Variants in LOC400499 observed in about 807,000 individuals in gnomAD.
chr16:11,475,658 G>A, the LOC400499 span: 4 of 399,010 alleles, frequency 1.0e-5, no homozygotes, highest in South Asian at 1.3e-4. Flanking sequence ...CCTCAGAAGG[G>A]CCAGGGACAT....
the LOC400499 span, chr16:11,398,394 C>A: frequency 4.9e-6 from 6 of 1,232,190 alleles, no homozygotes; most frequent in Admixed American, 4.2e-5. Context: ...CCGCAGCCAG[C>A]GTGCATAGTC....
the LOC400499 span, among the ~76,000 whole-genome samples, chr16:11,466,532 G>T: frequency 6.6e-6 from 1 of 152,038 alleles, no homozygotes; most frequent in Admixed American, 6.6e-5. Context: ...GGGATTACAG[G>T]AGCCTGCCAC....
At chr16:11,471,115 C>A in the LOC400499 span, among the ~76,000 whole-genome samples, 1 of 152,146 alleles carries the variant, frequency 6.6e-6, no homozygotes, top group African/African-American at 2.4e-5. Flanking sequence ...AGAAGGGACA[C>A]GATCCAGCTG....
At chr16:11,401,453 G>T in the LOC400499 span, 1 of 399,388 alleles carries the variant, frequency 2.5e-6, no homozygotes, top group Non-Finnish European at 4.4e-6. Context: ...CAGACAGACT[G>T]CACCTCTTTC....
chr16:11,519,376 G>T, the LOC400499 span, among the ~76,000 whole-genome samples: 1 of 152,016 alleles, frequency 6.6e-6, no homozygotes, highest in Non-Finnish European at 1.5e-5. Flanking sequence ...GTGGGGAGGG[G>T]GTTGCAAAAG....
the LOC400499 span, among the ~76,000 whole-genome samples, chr16:11,520,451 G>A: frequency 9.2e-5 from 14 of 152,138 alleles, no homozygotes; most frequent in Admixed American, 2.0e-4. Flanking sequence ...GAGGTCAGGA[G>A]TTCAAGACCA....
chr16:11,523,491 A>G, the LOC400499 span: 1 of 398,678 alleles, frequency 2.5e-6, no homozygotes, highest in East Asian at 3.6e-5. Flanking sequence ...CGCAAATCAG[A>G]TGGAACCAGG....
chr16:11,434,462 C>T, the LOC400499 span, among the ~76,000 whole-genome samples: 3 of 152,096 alleles, frequency 2.0e-5, no homozygotes, highest in Non-Finnish European at 4.4e-5. Context: ...GTCTCGCACA[C>T]TTAACATGTG....
At chr16:11,450,826 A>G in the LOC400499 span, 6 of 1,524,222 alleles carry the variant, frequency 3.9e-6, no homozygotes, top group African/African-American at 6.9e-5. Context: ...GGCTCCTGCA[A>G]GCAACAAAGA....
chr16:11,424,871 G>A, the LOC400499 span, among the ~76,000 whole-genome samples: 1 of 152,148 alleles, frequency 6.6e-6, no homozygotes, highest in Admixed American at 6.5e-5. Flanking sequence ...GAGGCCTGGA[G>A]GGCTGATGGC....
chr16:11,403,047 C>T, the LOC400499 span, among the ~76,000 whole-genome samples: 7,048 of 152,108 alleles, frequency 0.046, 538 homozygotes, highest in African/African-American at 0.16. Context: ...TTTTCTTCCT[C>T]TGTCCCCCAG....
At chr16:11,504,674 G>A in the LOC400499 span, among the ~76,000 whole-genome samples, 2 of 152,086 alleles carry the variant, frequency 1.3e-5, no homozygotes, top group Non-Finnish European at 2.9e-5. Context: ...TGTAATGCCA[G>A]CACTTTGGGA....
the LOC400499 span, chr16:11,424,208 C>T: frequency 2.3e-5 from 9 of 399,190 alleles, no homozygotes; most frequent in Admixed American, 4.4e-5. Flanking sequence ...GCTGGAGGCC[C>T]GAGGACTCGG....
the LOC400499 span, chr16:11,387,414 T>C: frequency 1.3e-6 from 1 of 787,620 alleles, no homozygotes; most frequent in Non-Finnish European, 1.7e-6. Context: ...GAGGGTGCCT[T>C]TCAGGGAGGG....
chr16:11,415,794 G>A, the LOC400499 span, among the ~76,000 whole-genome samples: 43 of 152,156 alleles, frequency 2.8e-4, no homozygotes, highest in African/African-American at 8.9e-4. Flanking sequence ...GAGCGGCGTG[G>A]AGGTGGTCAT....
the LOC400499 span, chr16:11,501,000 G>T: frequency 2.5e-6 from 1 of 399,012 alleles, no homozygotes; most frequent in Non-Finnish European, 4.4e-6. Flanking sequence ...CACACGTGCT[G>T]AGCGCCTGCA....
At chr16:11,380,619 C>G in the LOC400499 span, among the ~76,000 whole-genome samples, 422 of 152,236 alleles carry the variant, frequency 2.8e-3, no homozygotes, top group African/African-American at 9.7e-3. Context: ...TTAATTTGTC[C>G]TTCAAAAGTT....
chr16:11,436,431 G>C, the LOC400499 span, among the ~76,000 whole-genome samples: 37 of 152,258 alleles, frequency 2.4e-4, no homozygotes, highest in Admixed American at 2.2e-3. Flanking sequence ...GAGCAGTGGA[G>C]GGTGGGAGCA....
the LOC400499 span, among the ~76,000 whole-genome samples, chr16:11,383,232 AT>A: frequency 0.022 from 3,354 of 151,842 alleles, 74 homozygotes; most frequent in Middle Eastern, 0.12. Context: ...TGCCCGGCTA[AT>A]TTTTTTTGTA....
Sources: allele counts gnomAD v4.1 joint callset (sites outside exome capture counted in the v4.1 genomes callset), GRCh38; gene constraint gnomAD v4.1.1; transcripts MANE v1.5.